SESN1: variants seen among roughly 807,000 people sequenced by gnomAD.
SESN1 encodes the protein sestrin-1.
SESN1 carries 30 observed loss-of-function variants against 59.3 expected under a neutral mutation model. The observed-to-expected ratio is 0.51, with a 90% CI of 0.38 to 0.69. The LOEUF (loss-of-function observed/expected upper bound fraction) is 0.69. SESN1 is among the 30% of genes least tolerant of loss of function. The pLI, the probability that SESN1 is intolerant of heterozygous loss-of-function variation, is 0.00. For missense variants in SESN1, 566 were observed against 673.0 expected (o/e 0.84, Z 1.76); for synonymous variants, 197 against 219.9 (o/e 0.90, Z 0.92).
At chr6:109,085,285 C>T (rs755115220) in intron 1 of SESN1, among the ~76,000 whole-genome samples, 30 of 152,012 alleles carry the variant, frequency 2.0e-4, no homozygotes, top group African/African-American at 4.6e-4. Context: ...TTTGGGAAGC[C>T]GAGGCAGGCA....
At chr6:108,995,534 C>G (rs183865689) in intron 5 of SESN1, among the ~76,000 whole-genome samples, 13 of 152,328 alleles carry the variant, frequency 8.5e-5, no homozygotes, top group Admixed American at 6.5e-4. Context: ...ACTAGTCAAA[C>G]TGGTTATACT....
At chr6:109,014,629 G>GT (rs773183071) in intron 1 of SESN1, among the ~76,000 whole-genome samples, 13 of 152,210 alleles carry the variant, frequency 8.5e-5, no homozygotes, top group Non-Finnish European at 1.5e-4. Flanking sequence ...TTTTTTGTTT[G>GT]TTTGTTTTGT....
chr6:109,082,836 C>A (rs532616031), intron 1 of SESN1, among the ~76,000 whole-genome samples: 3 of 152,170 alleles, frequency 2.0e-5, no homozygotes, highest in Middle Eastern at 3.2e-3. Context: ...AAAAATCAAG[C>A]GTATCCATTT....
At chr6:109,064,665 A>T (rs1780791884) in intron 1 of SESN1, among the ~76,000 whole-genome samples, 1 of 37,372 alleles carries the variant, frequency 2.7e-5, no homozygotes, top group East Asian at 8.3e-4. Context: ...GGAGAGGGAA[A>T]GGGAAAGACC....
intron 1 of SESN1, among the ~76,000 whole-genome samples, chr6:109,041,042 C>A (rs112871784): frequency 6.6e-6 from 1 of 151,470 alleles, no homozygotes; most frequent in African/African-American, 2.4e-5. Flanking sequence ...GGCTCATGCC[C>A]ATAATCCCAG....
At chr6:109,064,978 G>A (rs1780798526) in intron 1 of SESN1, among the ~76,000 whole-genome samples, 1 of 152,034 alleles carries the variant, frequency 6.6e-6, no homozygotes, top group African/African-American at 2.4e-5. Context: ...AAGTTATCAA[G>A]AATAGTACTG....
chr6:109,021,138 C>T (rs1259907790), intron 1 of SESN1, among the ~76,000 whole-genome samples: 1 of 152,000 alleles, frequency 6.6e-6, no homozygotes, highest in African/African-American at 2.4e-5. Flanking sequence ...GGACTACAGG[C>T]ATGCCACCAT....
intron 1 of SESN1, among the ~76,000 whole-genome samples, chr6:109,047,279 G>T (rs1370372554): frequency 1.1e-5 from 1 of 91,982 alleles, no homozygotes; most frequent in Non-Finnish European, 2.3e-5. Flanking sequence ...GCCTCTGCCC[G>T]GCCGCCCCTA....
intron 1 of SESN1, among the ~76,000 whole-genome samples, chr6:109,047,500 G>A (rs1780471321): frequency 1.6e-5 from 2 of 126,164 alleles, no homozygotes; most frequent in African/African-American, 2.9e-5. Context: ...CCGGCCAGCC[G>A]CCCCGTCCGG....
chr6:109,007,785 C>CTTTTTTTTT, intron 1 of SESN1, among the ~76,000 whole-genome samples: 1 of 103,332 alleles, frequency 9.7e-6, no homozygotes, highest in Non-Finnish European at 2.1e-5. Context: ...AGTCCAGGTA[C>CTTTTTTTTT]TTTTTTTTTT....
rs752781381 is a variant in SESN1 at position 108,986,271 on chromosome 6, A to AGAT, written c.*1270_*1272dup. Among the ~76,000 whole-genome samples, 12 of 152,214 alleles carry AGAT rather than the reference A, an allele frequency of 7.9e-5. No individual in the cohort carries two copies. Among genetic ancestry groups the AGAT allele is most frequent in the Non-Finnish European group, 1.6e-4 (11 of 68,038 alleles). On this transcript the variant is annotated 3_prime_UTR_variant, in exon 10 of 10. Coordinates refer to ENST00000436639, the MANE Select transcript of SESN1 (RefSeq NM_014454.3). ...TCATTTCCAAGATAAAAATGGTCTC[A>AGAT]GATAAGATTCTAAAGAAAGTCCACT...
chr6:108,998,967 T>C (rs1421982374), intron 4 of SESN1: 2 of 387,764 alleles, frequency 5.2e-6, no homozygotes, highest in African/African-American at 2.1e-5. Context: ...AGACATTCAC[T>C]ATTATTTTGA....
Position 109,002,195 on chromosome 6 carries a change from G to A in SESN1, c.345+83C>T. ...GACTAAAACATGTTGTTGACCAACA[G>A]TTCTTCAGATGCCAACATGTGGGTC... On this transcript the variant is annotated intron_variant, in intron 2 of 9. Coordinates refer to ENST00000436639, the MANE Select transcript of SESN1 (RefSeq NM_014454.3). 3.3e-6 allele frequency: 4 copies of A among 1,201,912 alleles called. No individual in the cohort carries two copies. In the South Asian group the frequency reaches 3.8e-5, roughly 11 times the overall value. The allele number at this position is 1,201,912 out of a possible 1,614,324, so 74.5% of individuals were successfully genotyped here.
intron 1 of SESN1, among the ~76,000 whole-genome samples, chr6:109,061,957 T>C (rs1298323846): frequency 6.6e-6 from 1 of 152,186 alleles, no homozygotes; most frequent in Non-Finnish European, 1.5e-5. Context: ...CCAAGAATTA[T>C]CTAAACGTGA....
intron 1 of SESN1, among the ~76,000 whole-genome samples, chr6:109,006,435 C>T (rs1779732760): frequency 6.6e-6 from 1 of 151,376 alleles, no homozygotes; most frequent in Non-Finnish European, 1.5e-5. Context: ...TCTCCTAATG[C>T]TATCCCTCCC....
intron 1 of SESN1, among the ~76,000 whole-genome samples, chr6:109,037,575 C>T (rs1347647071): frequency 2.0e-5 from 3 of 152,076 alleles, no homozygotes; most frequent in African/African-American, 7.2e-5. Context: ...TTGGGTGAAG[C>T]TAGAATAGAT....
At chr6:109,065,130 T>C (rs1457653152) in intron 1 of SESN1, among the ~76,000 whole-genome samples, 4 of 152,168 alleles carry the variant, frequency 2.6e-5, no homozygotes, top group Non-Finnish European at 5.9e-5. Flanking sequence ...ATTAACTCTT[T>C]TCAGTTCTCT....
At chr6:109,079,528 T>C (rs899547466) in intron 1 of SESN1, among the ~76,000 whole-genome samples, 4 of 152,204 alleles carry the variant, frequency 2.6e-5, no homozygotes, top group Non-Finnish European at 5.9e-5. Context: ...TTGTGCTTAA[T>C]GGTACTGTCA....
chr6:109,042,021 AC>A (rs1288595772), intron 1 of SESN1, among the ~76,000 whole-genome samples: 2 of 152,262 alleles, frequency 1.3e-5, no homozygotes, highest in Non-Finnish European at 2.9e-5. Flanking sequence ...TAACGAAATC[AC>A]ACTAGAAGTA....
Sources: gnomAD v4.1 joint callset for allele counts (sites outside exome capture counted in the v4.1 genomes callset) on GRCh38, gnomAD v4.1.1 for gene constraint, MANE v1.5 for transcripts, NCBI Gene and HGNC (gene_info 2026-07-23, HGNC 2026-07-21) for gene names.